NIPBL: variants seen among roughly 807,000 people sequenced by gnomAD.
NIPBL encodes nipped-B-like protein.
Under a neutral mutation model 321.8 loss-of-function variants are expected in NIPBL, and 19 were observed. That is an observed-to-expected ratio of 0.06 (90% CI 0.04 to 0.09). NIPBL has a LOEUF of 0.09. Among genes scored for constraint, NIPBL ranks in the 10% least tolerant of loss-of-function variants. The pLI is 1.00. For missense variants in NIPBL, 2,210 were observed against 3,327.0 expected (o/e 0.66, Z 8.26); for synonymous variants, 1,106 against 1,114.1 (o/e 0.99, Z 0.14).
intron 1 of NIPBL, among the ~76,000 whole-genome samples, chr5:36,937,218 A>G (rs1738531934): frequency 6.6e-6 from 1 of 152,192 alleles, no homozygotes; most frequent in South Asian, 2.1e-4. Context: ...TTCTGTCTAG[A>G]AGTGGAATGT....
intron 32 of NIPBL, among the ~76,000 whole-genome samples, chr5:37,028,333 C>CTTTTTTTTTTT (rs10676635): frequency 3.9e-5 from 4 of 102,538 alleles, no homozygotes; most frequent in South Asian, 3.2e-4. Flanking sequence ...TTCCATAATA[C>CTTTTTTTTTTT]TTTTTTTTTT....
intron 45 of NIPBL, among the ~76,000 whole-genome samples, chr5:37,062,303 G>A (rs544290305): frequency 3.5e-4 from 53 of 152,250 alleles, no homozygotes; most frequent in African/African-American, 1.1e-3. Context: ...TTCTCTTACC[G>A]TGTTTGGCTA....
chr5:37,048,929 A>G (rs1435053740), intron 39 of NIPBL, among the ~76,000 whole-genome samples, 182 bp from the exon 40 acceptor site: 2 of 151,008 alleles, frequency 1.3e-5, no homozygotes, highest in African/African-American at 4.9e-5. Flanking sequence ...TGGGTTCTCA[A>G]AGGGGCCTCT....
chr5:36,944,205 A>G (rs933829861), intron 1 of NIPBL, among the ~76,000 whole-genome samples: 2 of 152,076 alleles, frequency 1.3e-5, no homozygotes, highest in African/African-American at 2.4e-5. Context: ...ATTATTCAAT[A>G]TGTGGAAAAA....
At chr5:36,963,911 T>C (rs927997098) in intron 6 of NIPBL, among the ~76,000 whole-genome samples, 2 of 152,116 alleles carry the variant, frequency 1.3e-5, no homozygotes, top group African/African-American at 4.8e-5. Context: ...TACACAAAAG[T>C]CTGAGGGACA....
intron 1 of NIPBL, among the ~76,000 whole-genome samples, chr5:36,925,693 TAA>T (rs772232499): frequency 4.6e-5 from 7 of 152,232 alleles, no homozygotes; most frequent in Non-Finnish European, 1.0e-4. Flanking sequence ...GAATTATAAT[TAA>T]AAACCTGTTT....
intron 1 of NIPBL, among the ~76,000 whole-genome samples, chr5:36,888,907 A>G (rs1222115655): frequency 6.6e-6 from 1 of 152,114 alleles, no homozygotes; most frequent in African/African-American, 2.4e-5. Flanking sequence ...TAAAGAAGTA[A>G]TATGTGCTAT....
chr5:37,030,061 C>A lies in NIPBL; in HGVS notation c.5862+2649C>A, dbSNP rs549200682. Among the ~76,000 whole-genome samples, 17 of 152,260 alleles carry A rather than the reference C, an allele frequency of 1.1e-4. No individual in the cohort carries two copies. The South Asian group carries it at 3.5e-3, about 32-fold the overall frequency. On this transcript the variant is annotated intron_variant, in intron 32 of 46. Coordinates refer to ENST00000282516, the MANE Select transcript of NIPBL (RefSeq NM_133433.4). ...TCAAGTAAGAATTCAATGTAATTAT[C>A]AGAAATGTCACTATTTAGGATTACT...
chr5:37,051,731 A>G (rs1753568567), intron 40 of NIPBL, 48 bp from the exon 41 acceptor site: 1 of 1,330,160 alleles, frequency 7.5e-7, no homozygotes, highest in Admixed American at 1.7e-5. Context: ...GTCTAAATAG[A>G]GAATTTTTAC....
intron 1 of NIPBL, among the ~76,000 whole-genome samples, chr5:36,918,051 T>C (rs1367420636): frequency 8.5e-5 from 13 of 152,196 alleles, no homozygotes; most frequent in Non-Finnish European, 1.8e-4. Context: ...TTTTTTCCAA[T>C]TCTGTGAAGA....
intron 9 of NIPBL, among the ~76,000 whole-genome samples, chr5:36,979,386 A>G (rs941556998): frequency 6.6e-6 from 1 of 151,766 alleles, no homozygotes; most frequent in African/African-American, 2.4e-5. Context: ...TTTGGTTCTC[A>G]GCTCGAACGT....
intron 1 of NIPBL, 83 bp from the exon 2 acceptor site, chr5:36,953,535 T>C: frequency 1.5e-6 from 1 of 662,626 alleles, no homozygotes; most frequent in Non-Finnish European, 2.7e-6. Context: ...GCAGTAACTT[T>C]TTTTTATAGT....
chr5:36,957,960 G>A, intron 3 of NIPBL, 144 bp from the exon 4 acceptor site: 1 of 711,286 alleles, frequency 1.4e-6, no homozygotes, highest in Non-Finnish European at 2.3e-6. Flanking sequence ...TCCAGCCTGG[G>A]GGACAAGAGT....
chr5:36,985,531 A>C lies in NIPBL; in HGVS notation c.2351A>C (p.Gln784Pro). The C allele has an allele frequency of 1.9e-6, 3 of 1,613,770 alleles. No individual in the cohort carries two copies. The highest frequency in any genetic ancestry group is 2.5e-6 in the Non-Finnish European group (3 of 1,179,954). ...AAACCTGAAGTGTCTAAACATAAAC[A>C]AGATACTAAATCTGACTCACCTCGG... ...EKKPEVSKHK[Q>P]DTKSDSPRLK... Residue 784 changes from glutamine to proline, a missense_variant, in exon 10 of 47, where the codon CAA becomes CCA. By Grantham distance (76) the Gln-to-Pro change is moderately conservative (BLOSUM62 -1). Transcript: ENST00000282516.
chr5:36,970,135 TCCCA>T (rs1174880808), intron 6 of NIPBL, among the ~76,000 whole-genome samples: 1 of 152,068 alleles, frequency 6.6e-6, no homozygotes, highest in Non-Finnish European at 1.5e-5. Flanking sequence ...CTACCTGTAA[TCCCA>T]GTGCTTTGGG....
In NIPBL at chr5:37,048,536, C is replaced by T. The variant is rs371380435; in HGVS notation, c.6624C>T (p.Phe2208=). The change falls in exon 39 of 47, where the codon TTC becomes TTT. Residue 2208 remains phenylalanine, a synonymous_variant. Transcript: ENST00000282516. The part of the protein sequence containing the change: ...FAFIQHPSLM[F]EQEVKNLYNN... ...TTATTCAGCATCCAAGTCTAATGTTCGAGCAAGAAGTGAAGAATCTATATA... is the reference window on the plus strand; with the variant it reads ...TTATTCAGCATCCAAGTCTAATGTTTGAGCAAGAAGTGAAGAATCTATATA... 2.0e-4 allele frequency: 315 copies of T among 1,584,056 alleles called. 1 individual carries two copies. Among genetic ancestry groups the T allele is most frequent in the Non-Finnish European group, 2.3e-4 (269 of 1,165,202 alleles).
At chr5:37,003,204 T>C in intron 15 of NIPBL, 57 bp from the exon 16 acceptor site, 2 of 997,300 alleles carry the variant, frequency 2.0e-6, no homozygotes, top group South Asian at 1.3e-5. Context: ...AGATTGTTTC[T>C]TGAATAATAT....
At chr5:36,926,686 A>G (rs572698762) in intron 1 of NIPBL, among the ~76,000 whole-genome samples, 2 of 152,218 alleles carry the variant, frequency 1.3e-5, no homozygotes, top group South Asian at 2.1e-4. Context: ...CATTACCTCA[A>G]TATGAGGACT....
chr5:36,901,663 C>T (rs1315446256), intron 1 of NIPBL, among the ~76,000 whole-genome samples: 1 of 152,090 alleles, frequency 6.6e-6, no homozygotes, highest in Non-Finnish European at 1.5e-5. Flanking sequence ...GCGTGCACCA[C>T]CACACCCAAC....
Sources: gnomAD v4.1 joint callset for allele counts (sites outside exome capture counted in the v4.1 genomes callset) on GRCh38, gnomAD v4.1.1 for gene constraint, MANE v1.5 for transcripts, NCBI Gene and HGNC (gene_info 2026-07-23, HGNC 2026-07-21) for gene names.